The following SPMIP2 variants were observed in gnomAD, a reference collection of about 807,000 sequenced individuals.
SPMIP2 encodes the protein sperm microtubule inner protein 2.
At chr4:159,035,609 T>G in the SPMIP2 span, among the ~76,000 whole-genome samples, 3 of 151,120 alleles carry the variant, frequency 2.0e-5, no homozygotes, top group Admixed American at 2.0e-4. Flanking sequence ...CACACACAAA[T>G]ATATATAGAT....
chr4:159,042,405 A>C, the SPMIP2 span, among the ~76,000 whole-genome samples: 2 of 152,202 alleles, frequency 1.3e-5, no homozygotes, highest in Admixed American at 1.3e-4. Flanking sequence ...AAGTTCTGCT[A>C]ATCTCTGATC....
chr4:159,004,627 AGT>A, the SPMIP2 span, among the ~76,000 whole-genome samples: 1,731 of 152,196 alleles, frequency 0.011, 29 homozygotes, highest in African/African-American at 0.039. Context: ...CCATTCTATG[AGT>A]TCCTAGATTC....
the SPMIP2 span, among the ~76,000 whole-genome samples, chr4:158,925,087 T>A: frequency 1.3e-5 from 2 of 152,372 alleles, no homozygotes; most frequent in African/African-American, 4.8e-5. Flanking sequence ...TCGTTTATTT[T>A]TCTGGAAACA....
the SPMIP2 span, among the ~76,000 whole-genome samples, chr4:158,979,860 C>T: frequency 3.4e-4 from 49 of 142,980 alleles, no homozygotes; most frequent in Non-Finnish European, 6.9e-4. Flanking sequence ...GAACTGTTCA[C>T]TCCTCTGGAA....
chr4:158,972,974 C>T, the SPMIP2 span: 1 of 749,874 alleles, frequency 1.3e-6, no homozygotes, highest in Non-Finnish European at 2.1e-6. Flanking sequence ...CTCATTATGT[C>T]TCAATGAGAA....
At chr4:158,977,209 T>G in the SPMIP2 span, among the ~76,000 whole-genome samples, 1 of 152,210 alleles carries the variant, frequency 6.6e-6, no homozygotes, top group East Asian at 1.9e-4. Flanking sequence ...AGAATTCGGC[T>G]GTGAATCTGT....
At chr4:158,918,652 C>G in the SPMIP2 span, among the ~76,000 whole-genome samples, 6 of 152,218 alleles carry the variant, frequency 3.9e-5, no homozygotes, top group African/African-American at 1.4e-4. Context: ...ATTGGGAACA[C>G]CAGAAGCAAT....
chr4:159,066,484 A>AGT, the SPMIP2 span, among the ~76,000 whole-genome samples: 5 of 151,922 alleles, frequency 3.3e-5, no homozygotes, highest in Non-Finnish European at 2.9e-5. Flanking sequence ...CTATGTCCTT[A>AGT]GTGAATGTGT....
At chr4:158,932,698 C>CT in the SPMIP2 span, among the ~76,000 whole-genome samples, 1 of 152,072 alleles carries the variant, frequency 6.6e-6, no homozygotes, top group Non-Finnish European at 1.5e-5. Context: ...GAGAATGAAG[C>CT]TTTTCAGGGG....
the SPMIP2 span, among the ~76,000 whole-genome samples, chr4:159,039,496 T>A: frequency 1.3e-5 from 2 of 151,970 alleles, no homozygotes; most frequent in Non-Finnish European, 2.9e-5. Flanking sequence ...TACCCCAAAA[T>A]AACACAGAGA....
At chr4:158,912,147 G>A in the SPMIP2 span, among the ~76,000 whole-genome samples, 1 of 152,174 alleles carries the variant, frequency 6.6e-6, no homozygotes, top group Non-Finnish European at 1.5e-5. Flanking sequence ...GACATTTTGT[G>A]ATTTAAAAAG....
chr4:158,969,134 T>G, the SPMIP2 span, among the ~76,000 whole-genome samples: 1 of 152,218 alleles, frequency 6.6e-6, no homozygotes, highest in Non-Finnish European at 1.5e-5. Flanking sequence ...TAACATTGTT[T>G]CTGTGAGAAA....
chr4:159,009,573 A>G, the SPMIP2 span, among the ~76,000 whole-genome samples: 3 of 152,212 alleles, frequency 2.0e-5, no homozygotes, highest in Admixed American at 2.0e-4. Flanking sequence ...TCCTAGAATC[A>G]ACAAAGGACA....
the SPMIP2 span, among the ~76,000 whole-genome samples, chr4:158,986,842 G>A: frequency 1.4e-5 from 2 of 146,494 alleles, no homozygotes; most frequent in South Asian, 4.4e-4. Flanking sequence ...GAGCGAACAG[G>A]CAACCTACAA....
chr4:158,943,859 T>TTTTTTTTC, the SPMIP2 span, among the ~76,000 whole-genome samples: 1 of 31,176 alleles, frequency 3.2e-5, no homozygotes. Context: ...TGACATTTTC[T>TTTTTTTTC]TTTTTTTTTT....
At chr4:158,948,893 C>T in the SPMIP2 span, among the ~76,000 whole-genome samples, 4 of 152,080 alleles carry the variant, frequency 2.6e-5, no homozygotes, top group South Asian at 4.2e-4. Context: ...CAAGAGCCAC[C>T]GTGCCCCACC....
the SPMIP2 span, among the ~76,000 whole-genome samples, chr4:158,932,001 TTGTC>T: frequency 2.0e-5 from 3 of 152,230 alleles, no homozygotes; most frequent in South Asian, 4.2e-4. Flanking sequence ...TTTAAAGTCT[TTGTC>T]TGAGCCGAGC....
the SPMIP2 span, among the ~76,000 whole-genome samples, chr4:159,029,226 C>T: frequency 1.3e-5 from 2 of 152,158 alleles, no homozygotes; most frequent in African/African-American, 2.4e-5. Flanking sequence ...GGTTAGCTTG[C>T]CCTATTAGAT....
At chr4:158,988,706 T>C in the SPMIP2 span, among the ~76,000 whole-genome samples, 2 of 152,132 alleles carry the variant, frequency 1.3e-5, no homozygotes, top group East Asian at 3.9e-4. Flanking sequence ...TGCTATAAAC[T>C]CTCAATAAAC....
Sources: allele counts gnomAD v4.1 joint callset (sites outside exome capture counted in the v4.1 genomes callset), GRCh38; gene constraint gnomAD v4.1.1; transcripts MANE v1.5; gene names NCBI Gene and HGNC (gene_info 2026-07-23, HGNC 2026-07-21).